GFM2: variants seen among roughly 807,000 people sequenced by gnomAD.
The protein encoded by GFM2 is ribosome-releasing factor 2, mitochondrial.
GFM2 carries 72 observed loss-of-function variants against 95.4 expected under a neutral mutation model. The ratio of observed to expected loss-of-function variants is 0.76; its 90% CI spans 0.62 to 0.92. The LOEUF is 0.92. Among genes scored for constraint, GFM2 ranks in the 40% least tolerant of loss-of-function variants. The pLI, the probability that GFM2 is intolerant of heterozygous loss-of-function variation, is 0.00. For synonymous variants in GFM2, 276 were observed against 317.5 expected (o/e 0.87, Z 1.39); for missense variants, 825 against 924.1 (o/e 0.89, Z 1.39).
At chr5:74,731,354 A>T (rs1742551564) in intron 16 of GFM2, among the ~76,000 whole-genome samples, 1 of 152,228 alleles carries the variant, frequency 6.6e-6, no homozygotes, top group South Asian at 2.1e-4. Flanking sequence ...TAAAGGTATT[A>T]GCGTATTAGC....
rs769035648 is a variant in GFM2, at chr5:74,763,633, G to A, written c.63+47C>T. 2.5e-5 allele frequency: 27 copies of A among 1,070,956 alleles called. No individual in the cohort carries two copies. The South Asian group carries it at 3.4e-4, about 14-fold the overall frequency. 66.3% of individuals were successfully genotyped at this position (1,070,956 alleles called of 1,614,324 possible). ...TATACTGGGCATTTTAGGCAGTAAA[G>A]GAGCTGAGGTTGTTAAAGGACACTT... is the stretch of plus-strand genomic sequence containing the variant. On this transcript the variant is annotated intron_variant, in intron 2 of 20. Coordinates refer to ENST00000296805, the MANE Select transcript of GFM2 (RefSeq NM_032380.5).
intron 10 of GFM2, chr5:74,741,959 G>A (rs895958065): frequency 6.3e-6 from 1 of 159,818 alleles, no homozygotes; most frequent in Non-Finnish European, 1.4e-5. Flanking sequence ...TAAATCTGGA[G>A]GTTTTAGTTT....
chr5:74,760,112 GTTAT>G (rs1244396517), intron 3 of GFM2, among the ~76,000 whole-genome samples: 3 of 152,096 alleles, frequency 2.0e-5, no homozygotes, highest in African/African-American at 7.2e-5. Flanking sequence ...AAGCCTTCCT[GTTAT>G]TTAAACCATT....
chr5:74,745,216 G>A (rs546952849), intron 10 of GFM2, among the ~76,000 whole-genome samples: 28 of 152,094 alleles, frequency 1.8e-4, no homozygotes, highest in African/African-American at 4.6e-4. Context: ...GTGGTGGTGC[G>A]TGCCTGTAAT....
intron 19 of GFM2, among the ~76,000 whole-genome samples, chr5:74,723,191 A>C (rs926975041): frequency 4.1e-4 from 63 of 152,168 alleles, no homozygotes; most frequent in Non-Finnish European, 1.8e-4. Context: ...CTCTTTTCAC[A>C]ATCTTTTCCT....
rs1184660589 is a variant in GFM2, at chr5:74,721,375, T to TG, written c.*279dup. Reference sequence around the variant, plus strand: ...AGGACACAAAAGAAACACAACTTTGTGATACCACTCTTCTGAAGGCTACTT... The same window carrying TG: ...AGGACACAAAAGAAACACAACTTTGTGGATACCACTCTTCTGAAGGCTACTT... On this transcript the variant is annotated 3_prime_UTR_variant, in exon 21 of 21. Coordinates refer to ENST00000296805, the MANE Select transcript of GFM2 (RefSeq NM_032380.5). 5.5e-6 allele frequency: 4 copies of TG among 728,474 alleles called. No individual in the cohort carries two copies. The highest frequency in any genetic ancestry group is 7.5e-6 in the Non-Finnish European group (3 of 401,496). 45.1% of individuals were successfully genotyped at this position (728,474 alleles called of 1,614,324 possible). A position where few individuals can be genotyped will look rare whatever the true frequency, so the allele number is the denominator to read the frequency against.
chr5:74,750,888 G>T (rs912723487), intron 6 of GFM2, among the ~76,000 whole-genome samples: 1 of 152,064 alleles, frequency 6.6e-6, no homozygotes, highest in Non-Finnish European at 1.5e-5. Context: ...TGTATGAATG[G>T]ATAAACAAAA....
intron 10 of GFM2, among the ~76,000 whole-genome samples, chr5:74,744,210 A>G (rs1743263802): frequency 6.6e-6 from 1 of 152,190 alleles, no homozygotes; most frequent in African/African-American, 2.4e-5. Context: ...TGTACTGAAT[A>G]CTGTAGGCAA....
chr5:74,763,856 T>C, intron 1 of GFM2, 90 bp from the exon 2 acceptor site: 1 of 647,350 alleles, frequency 1.5e-6, no homozygotes. Context: ...GTAATATGTA[T>C]GGTAAAATGT....
chr5:74,742,884 G>T (rs1324843869), intron 10 of GFM2, among the ~76,000 whole-genome samples: 1 of 151,948 alleles, frequency 6.6e-6, no homozygotes, highest in Non-Finnish European at 1.5e-5. Context: ...GGTCACGCTG[G>T]TCTCAAACTC....
At chr5:74,761,218 T>C (rs1217775129) in intron 2 of GFM2, among the ~76,000 whole-genome samples, 3 of 152,196 alleles carry the variant, frequency 2.0e-5, no homozygotes, top group Non-Finnish European at 4.4e-5. Context: ...CTTAAAACAA[T>C]GGTTTTCCTC....
chr5:74,742,915 C>T (rs1420001184), intron 10 of GFM2, among the ~76,000 whole-genome samples: 1 of 152,170 alleles, frequency 6.6e-6, no homozygotes, highest in African/African-American at 2.4e-5. Flanking sequence ...GATCTGCCCA[C>T]CTCAGCCTCC....
chr5:74,763,703 T>G lies in GFM2; in HGVS notation c.40A>C (p.Thr14Pro), dbSNP rs1284403940. 6.3e-7 allele frequency: 1 copy of G among 1,597,822 alleles called. No individual in the cohort carries two copies. The highest frequency in any genetic ancestry group is 2.2e-5 in the East Asian group (1 of 44,692). ...ACATTAATATACACACTGGGTATTG[T>G]CTGATGACTCATTGCAAATATCCTC... ...NLRIFAMSHQ[T>P]IPSVYINNIC... The change falls in exon 2 of 21, where the codon ACA becomes CCA. Residue 14 changes from threonine (T) to proline (P), a missense_variant. Transcript: ENST00000296805.
rs766819046 is a variant in GFM2 at position 74,759,368 on chromosome 5, C to A, written c.206+1G>T. 8.0e-6 allele frequency: 12 copies of A among 1,502,996 alleles called. No individual in the cohort carries two copies. In the Admixed American group the frequency reaches 1.9e-4, roughly 24 times the overall value. 93.1% of individuals were successfully genotyped at this position (1,502,996 alleles called of 1,614,324 possible). ...AAGCATGATATAATGATAGTACTTA[C>A]TTAGCTATGGGAGGATTGATGATGG... On this transcript the variant is annotated splice_donor_variant, in intron 4 of 20. Coordinates refer to ENST00000296805, the MANE Select transcript of GFM2 (RefSeq NM_032380.5). LOFTEE classifies it high-confidence loss of function.
chr5:74,736,291 G>T, intron 15 of GFM2: 1 of 752,934 alleles, frequency 1.3e-6, no homozygotes, highest in Non-Finnish European at 1.6e-6. Flanking sequence ...GTTTGGGTGT[G>T]TGCTAGAAGT....
rs1266804466 is a variant in GFM2, at chr5:74,767,094, T to C, written c.-181A>G. On this transcript the variant is annotated 5_prime_UTR_variant, in exon 1 of 21. Transcript: ENST00000296805. ...CGAAAAGAAAATAGGCTTTCTCCGC[T>C]CTACCGCCTCGGGCAGCCACACCTC... 9 of 466,578 alleles carry C rather than the reference T, an allele frequency of 1.9e-5. No homozygotes were observed. The highest frequency in any genetic ancestry group is 1.4e-4 in the Admixed American group (4 of 28,340). 28.9% of individuals were successfully genotyped at this position (466,578 alleles called of 1,614,324 possible). A position where few individuals can be genotyped will look rare whatever the true frequency, so the allele number is the denominator to read the frequency against.
intron 2 of GFM2, among the ~76,000 whole-genome samples, chr5:74,761,944 A>C (rs1744303686): frequency 6.6e-6 from 1 of 152,210 alleles, no homozygotes; most frequent in East Asian, 1.9e-4. Context: ...TGGCAATAAT[A>C]AGCTACTATC....
chr5:74,762,714 G>C (rs1346090291), intron 2 of GFM2, among the ~76,000 whole-genome samples: 5 of 152,190 alleles, frequency 3.3e-5, no homozygotes, highest in Non-Finnish European at 1.5e-5. Context: ...TATCACAACA[G>C]TGAATCTGAT....
chr5:74,742,966 C>T (rs1405747791), intron 10 of GFM2, among the ~76,000 whole-genome samples: 1 of 152,202 alleles, frequency 6.6e-6, no homozygotes, highest in East Asian at 1.9e-4. Context: ...CACACCCAGC[C>T]CACTGTACTC....
Sources: allele counts gnomAD v4.1 joint callset (sites outside exome capture counted in the v4.1 genomes callset), GRCh38; gene constraint gnomAD v4.1.1; transcripts MANE v1.5; gene names NCBI Gene and HGNC (gene_info 2026-07-23, HGNC 2026-07-21).